Variants in CACNA1E observed in about 807,000 individuals in gnomAD.
CACNA1E encodes the protein calcium voltage-gated channel subunit alpha1 E.
In CACNA1E, 40 loss-of-function variants were observed where a neutral mutation model predicts 259.2. The ratio of observed to expected loss-of-function variants is 0.15; its 90% CI spans 0.12 to 0.20. The LOEUF (loss-of-function observed/expected upper bound fraction) is 0.20. Ranked by LOEUF, CACNA1E falls within the 10% of genes least tolerant of loss-of-function variation. The pLI is 1.00. For synonymous variants in CACNA1E, 1,104 were observed against 1,138.5 expected (o/e 0.97, Z 0.61); for missense variants, 1,874 against 3,040.1 (o/e 0.62, Z 9.02).
chr1:181,795,787 T>TATATATATATATATATATATATATA (rs1410248740), intron 46 of CACNA1E, among the ~76,000 whole-genome samples: 21 of 143,668 alleles, frequency 1.5e-4, no homozygotes, highest in Non-Finnish European at 2.9e-4. Context: ...TATATATATA[T>TATATATATATATATATATATATATA]TAGTCTGGCT....
intron 1 of CACNA1E, among the ~76,000 whole-genome samples, chr1:181,501,998 A>G (rs1394718608): frequency 1.3e-5 from 2 of 152,188 alleles, no homozygotes; most frequent in African/African-American, 4.8e-5. Flanking sequence ...AAGGAAAGCA[A>G]TGAGATGATG....
chr1:181,486,239 C>T (rs958482812), intron 1 of CACNA1E, among the ~76,000 whole-genome samples: 2 of 152,210 alleles, frequency 1.3e-5, no homozygotes, highest in African/African-American at 2.4e-5. Flanking sequence ...TGCCTTGGCC[C>T]CGAGCCCTGT....
At chr1:181,767,028 A>G (rs924641692) in intron 35 of CACNA1E, among the ~76,000 whole-genome samples, 3 of 152,204 alleles carry the variant, frequency 2.0e-5, no homozygotes, top group Admixed American at 2.0e-4. Flanking sequence ...CTTCCTGTAT[A>G]TGGTGACACC....
intron 6 of CACNA1E, among the ~76,000 whole-genome samples, chr1:181,621,798 C>G (rs1286156963): frequency 6.6e-6 from 1 of 152,070 alleles, no homozygotes; most frequent in African/African-American, 2.4e-5. Flanking sequence ...ACCAAGATGC[C>G]GAGAGACTGA....
At chr1:181,353,246 G>A (rs748921656) in intron 1 of CACNA1E, among the ~76,000 whole-genome samples, 4 of 152,122 alleles carry the variant, frequency 2.6e-5, no homozygotes, top group Non-Finnish European at 5.9e-5. Flanking sequence ...ATTTAATGGG[G>A]GCCTACTGTG....
chr1:181,768,852 C>T (rs936582286), intron 35 of CACNA1E, among the ~76,000 whole-genome samples: 1 of 152,138 alleles, frequency 6.6e-6, no homozygotes, highest in African/African-American at 2.4e-5. Flanking sequence ...ATAGTCACAA[C>T]AAAACTGAGG....
intron 3 of CACNA1E, among the ~76,000 whole-genome samples, chr1:181,550,634 G>T (rs1648030076): frequency 6.6e-6 from 1 of 152,102 alleles, no homozygotes; most frequent in African/African-American, 2.4e-5. Flanking sequence ...TGGTTACCAG[G>T]TTCAAATGTG....
In CACNA1E at chr1:181,739,124, TG is replaced by T. The variant is rs751424349; in HGVS notation, c.3613-21del. 69 of 1,428,130 alleles carry T rather than the reference TG, an allele frequency of 4.8e-5. 1 individual carries two copies. The East Asian group carries it at 1.5e-3, about 32-fold the overall frequency. 88.5% of individuals were successfully genotyped at this position (1,428,130 alleles called of 1,614,324 possible). Reference sequence around the variant, plus strand: ...TTGCCCACACTTTCTTGGCTCACTGTGGCTGTTCATATCCTTCTGCAGATGA... The same window carrying T: ...TTGCCCACACTTTCTTGGCTCACTGTGCTGTTCATATCCTTCTGCAGATGA... On this transcript the variant is annotated intron_variant, in intron 24 of 47. Coordinates refer to ENST00000367573, the MANE Select transcript of CACNA1E (RefSeq NM_001205293.3).
Position 181,580,580 on chromosome 1 carries a change from C to T in CACNA1E, c.770-15C>T. The T allele has an allele frequency of 6.2e-7, 1 of 1,613,108 alleles. No homozygotes were observed. Among genetic ancestry groups the T allele is most frequent in the African/African-American group, 1.3e-5 (1 of 75,034 alleles). On this transcript the variant is annotated splice_polypyrimidine_tract_variant and intron_variant, in intron 5 of 47. Transcript: ENST00000367573. ...ACCATGTGATTTATCTCCTACCCTC[C>T]AAATGTGTCTGCAGGTATTCTAGAA... is the stretch of plus-strand genomic sequence containing the variant.
intron 21 of CACNA1E, among the ~76,000 whole-genome samples, chr1:181,734,266 T>C (rs1483853092): frequency 1.3e-5 from 2 of 152,130 alleles, no homozygotes; most frequent in Non-Finnish European, 2.9e-5. Flanking sequence ...ATGATTCTAT[T>C]GCTCTTATCA....
intron 1 of CACNA1E, 39 bp from the exon 2 acceptor site, chr1:181,510,438 C>T (rs1322871203): frequency 7.2e-7 from 1 of 1,381,888 alleles, no homozygotes. Flanking sequence ...AGGCTGTGTC[C>T]CTCTCTGGTG....
At position 181,684,854 on chromosome 1, in the gene CACNA1E, T is replaced by C. The variant is rs914292327; in HGVS notation, c.1056-26100T>C. Among the ~76,000 whole-genome samples the C allele has an allele frequency of 1.3e-4, 20 of 148,736 alleles. No individual in the cohort carries two copies. In the East Asian group the frequency reaches 3.6e-3, roughly 27 times the overall value. On this transcript the variant is annotated intron_variant, in intron 7 of 47. Coordinates refer to ENST00000367573, the MANE Select transcript of CACNA1E (RefSeq NM_001205293.3). ...TCCCATTCAAGATGGATGTTCTTCC[T>C]AAATAAAGGATTTTTTAAATCCTTT...
intron 6 of CACNA1E, among the ~76,000 whole-genome samples, chr1:181,606,454 G>A (rs140945294): frequency 2.0e-4 from 31 of 152,162 alleles, no homozygotes; most frequent in Non-Finnish European, 2.6e-4. Flanking sequence ...CCCCGGCTGC[G>A]CCCAGTCCTC....
At chr1:181,453,933 A>G (rs1210731672) in intron 2 of CACNA1E, among the ~76,000 whole-genome samples, 1 of 152,230 alleles carries the variant, frequency 6.6e-6, no homozygotes, top group East Asian at 1.9e-4. Context: ...GGCTCTGCAG[A>G]CAGAGACTGG....
intron 7 of CACNA1E, among the ~76,000 whole-genome samples, chr1:181,665,585 A>G (rs1422244593): frequency 6.6e-6 from 1 of 152,144 alleles, no homozygotes; most frequent in Non-Finnish European, 1.5e-5. Context: ...ATATATTACA[A>G]AGTAGCTTGA....
At position 181,720,871 on chromosome 1, in the gene CACNA1E, A is replaced by T; in HGVS notation, c.1956+16A>T. ...TGTGTTCCAGGTATGAGGCCAGCTGACGGTTCACAAGTGCTGCATGGGGTC... is the reference window on the plus strand; with the variant it reads ...TGTGTTCCAGGTATGAGGCCAGCTGTCGGTTCACAAGTGCTGCATGGGGTC... On this transcript the variant is annotated intron_variant, in intron 15 of 47. Transcript: ENST00000367573. The T allele has an allele frequency of 6.4e-7, 1 of 1,572,926 alleles. No individual in the cohort carries two copies. The highest frequency in any genetic ancestry group is 8.7e-7 in the Non-Finnish European group (1 of 1,144,848).
intron 8 of CACNA1E, among the ~76,000 whole-genome samples, chr1:181,711,972 A>G (rs1490487690): frequency 6.6e-6 from 1 of 152,202 alleles, no homozygotes; most frequent in Non-Finnish European, 1.5e-5. Flanking sequence ...TAGAAGGATA[A>G]GGCTGGAAGC....
chr1:181,416,395 T>G (rs1161375218), intron 2 of CACNA1E, among the ~76,000 whole-genome samples: 1 of 152,252 alleles, frequency 6.6e-6, no homozygotes, highest in Non-Finnish European at 1.5e-5. Flanking sequence ...TCTTACTCTT[T>G]GGGGCACAGT....
At chr1:181,716,766 T>C (rs189656950) in intron 10 of CACNA1E, among the ~76,000 whole-genome samples, 1 of 152,324 alleles carries the variant, frequency 6.6e-6, no homozygotes, top group Non-Finnish European at 1.5e-5. Context: ...AGCAGAAGAA[T>C]TCCAGTGCTT....
Sources: gnomAD v4.1 joint callset for allele counts (sites outside exome capture counted in the v4.1 genomes callset) on GRCh38, gnomAD v4.1.1 for gene constraint, MANE v1.5 for transcripts, NCBI Gene and HGNC (gene_info 2026-07-23, HGNC 2026-07-21) for gene names.